The following NEK10 variants were observed in gnomAD, a reference collection of about 807,000 sequenced individuals.
NEK10 encodes NIMA related kinase 10, also known as serine/threonine-protein kinase Nek10.
Under a neutral mutation model 159.8 loss-of-function variants are expected in NEK10, and 122 were observed. That is an observed-to-expected ratio of 0.76 (90% CI 0.66 to 0.89). NEK10 has a LOEUF of 0.89. Ranked by LOEUF, NEK10 falls within the 40% of genes least tolerant of loss-of-function variation. The pLI is 0.00. For synonymous variants in NEK10, 466 were observed against 457.1 expected (o/e 1.02, Z -0.25); for missense variants, 1,342 against 1,323.1 (o/e 1.01, Z -0.22).
intron 31 of NEK10, among the ~76,000 whole-genome samples, chr3:27,137,485 T>C (rs1943340006): frequency 1.3e-5 from 2 of 152,366 alleles, no homozygotes; most frequent in Admixed American, 1.3e-4. Flanking sequence ...TTTAAAGCTA[T>C]TTCCGTAACA....
At chr3:27,138,904 C>T (rs1215424863) in intron 31 of NEK10, among the ~76,000 whole-genome samples, 2 of 152,200 alleles carry the variant, frequency 1.3e-5, no homozygotes, top group African/African-American at 4.8e-5. Flanking sequence ...TAATGAAGAA[C>T]ACAAGGACTA....
chr3:27,173,754 C>A (rs932700134), intron 28 of NEK10, among the ~76,000 whole-genome samples: 2 of 152,020 alleles, frequency 1.3e-5, no homozygotes, highest in African/African-American at 4.8e-5. Context: ...TCAACTTACT[C>A]TTTTTTAAAA....
intron 4 of NEK10, among the ~76,000 whole-genome samples, 189 bp from the exon 5 acceptor site, chr3:27,344,559 T>C (rs1266422134): frequency 6.6e-6 from 1 of 152,176 alleles, no homozygotes. Context: ...CTATCAGCTG[T>C]TAAAATAAGA....
intron 14 of NEK10, among the ~76,000 whole-genome samples, chr3:27,296,532 A>C (rs2043366451): frequency 6.6e-6 from 1 of 152,162 alleles, no homozygotes; most frequent in Non-Finnish European, 1.5e-5. Flanking sequence ...CGGATCTTGA[A>C]GTTGGATATT....
At chr3:27,289,221 T>G (rs1379974625) in intron 19 of NEK10, among the ~76,000 whole-genome samples, 1 of 152,180 alleles carries the variant, frequency 6.6e-6, no homozygotes, top group South Asian at 2.1e-4. Flanking sequence ...TTTACTCACT[T>G]TGGGATTGTT....
intron 5 of NEK10, among the ~76,000 whole-genome samples, chr3:27,337,413 T>A (rs1421714965): frequency 6.7e-6 from 1 of 149,966 alleles, no homozygotes; most frequent in Non-Finnish European, 1.5e-5. Context: ...TTCAATGCAA[T>A]CCCTATCAAA....
At chr3:27,338,737 G>C (rs1423141692) in intron 5 of NEK10, among the ~76,000 whole-genome samples, 1 of 152,194 alleles carries the variant, frequency 6.6e-6, no homozygotes, top group Non-Finnish European at 1.5e-5. Context: ...TTTGAGAAGT[G>C]TCTGTTCATA....
At position 27,132,632 on chromosome 3, in the gene NEK10, T is replaced by G. The variant is rs186486046; in HGVS notation, c.2971-642A>C. ...TTAGAAAACATGGTAACAAAAAAAA[T>G]GGGGATTAAAAAAATGATTTGTCAT... On this transcript the variant is annotated intron_variant, in intron 31 of 35. Transcript: ENST00000691995. Among the ~76,000 whole-genome samples, 617 of 151,958 alleles carry G rather than the reference T, an allele frequency of 4.1e-3. 3 individuals are homozygous for G. The highest frequency in any genetic ancestry group is 8.9e-3 in the South Asian group (43 of 4,812).
chr3:27,226,063 G>A (rs113091233), intron 23 of NEK10, among the ~76,000 whole-genome samples: 62 of 151,794 alleles, frequency 4.1e-4, no homozygotes, highest in African/African-American at 9.2e-4. Flanking sequence ...ACGGAGTCTC[G>A]CTCTGTTGCC....
chr3:27,169,859 G>A (rs905977058), intron 29 of NEK10, among the ~76,000 whole-genome samples: 2 of 152,114 alleles, frequency 1.3e-5, no homozygotes, highest in African/African-American at 4.8e-5. Context: ...CAGTAAACAG[G>A]AACCTGATCC....
At chr3:27,147,799 T>A (rs531321280) in intron 30 of NEK10, among the ~76,000 whole-genome samples, 20 of 152,342 alleles carry the variant, frequency 1.3e-4, no homozygotes, top group African/African-American at 4.3e-4. Context: ...GGTATCATTT[T>A]ATTGCCCTAT....
At position 27,192,137 on chromosome 3, in the gene NEK10, C is replaced by A. The variant is rs1248107474; in HGVS notation, c.2397G>T (p.Leu799Phe). The change falls in exon 26 of 36, where the codon TTG (leucine) becomes TTT (phenylalanine). Residue 799 changes from leucine to phenylalanine, a missense_variant. Leu to Phe is a conservative substitution (Grantham distance 22). Coordinates refer to ENST00000691995, the MANE Select transcript of NEK10 (RefSeq NM_001394966.1). ...KYLDNLSTSQ[L>F]SLEKKLERER... Reference sequence around the variant, plus strand: ...CCCGTTCTAGCTTCTTTTCCAAGGACAACTGGGATGTAGATAAGTTGTCTA... The same window carrying A: ...CCCGTTCTAGCTTCTTTTCCAAGGAAAACTGGGATGTAGATAAGTTGTCTA... The A allele has an allele frequency of 1.2e-6, 2 of 1,614,010 alleles. No individual in the cohort carries two copies. The highest frequency in any genetic ancestry group is 2.2e-5 in the East Asian group (1 of 44,886).
chr3:27,313,735 C>T (rs191188582), intron 7 of NEK10, among the ~76,000 whole-genome samples: 4 of 152,222 alleles, frequency 2.6e-5, no homozygotes, highest in East Asian at 1.9e-4. Context: ...TGTTGTGAGG[C>T]GGAGTTTCGC....
At chr3:27,192,640 G>GT (rs1476023200) in intron 25 of NEK10, among the ~76,000 whole-genome samples, 1 of 151,158 alleles carries the variant, frequency 6.6e-6, no homozygotes, top group Admixed American at 6.6e-5. Context: ...TTTCATTAGT[G>GT]TGGATATTCT....
At position 27,301,709 on chromosome 3, in the gene NEK10, G is replaced by A; in HGVS notation, c.1155C>T (p.Phe385=). 2 of 1,567,854 alleles carry A rather than the reference G, an allele frequency of 1.3e-6. No individual in the cohort carries two copies. Among genetic ancestry groups the A allele is most frequent in the African/African-American group, 2.7e-5 (2 of 73,876 alleles). Residue 385 remains phenylalanine (F), a synonymous_variant, in exon 13 of 36, where the codon TTC becomes TTT. Coordinates refer to ENST00000691995, the MANE Select transcript of NEK10 (RefSeq NM_001394966.1). ...AAACATAAATACCTGCTTGAAGTGAGAAAGTATTTTCTTGTATTTCCCTAG... is the reference window on the plus strand; with the variant it reads ...AAACATAAATACCTGCTTGAAGTGAAAAAGTATTTTCTTGTATTTCCCTAG... ...LSPREIQENT[F]SLQAACCAAL... is the part of the protein sequence containing the mutation.
intron 32 of NEK10, among the ~76,000 whole-genome samples, chr3:27,122,151 C>T (rs1941407432): frequency 6.6e-6 from 1 of 151,874 alleles, no homozygotes; most frequent in Non-Finnish European, 1.5e-5. Context: ...GTGGTTTCCC[C>T]CATGCTGTTG....
At chr3:27,168,718 G>A (rs1427193519) in intron 29 of NEK10, among the ~76,000 whole-genome samples, 1 of 152,182 alleles carries the variant, frequency 6.6e-6, no homozygotes, top group Non-Finnish European at 1.5e-5. Flanking sequence ...ATGTCACGCT[G>A]TATTACCACA....
intron 23 of NEK10, among the ~76,000 whole-genome samples, chr3:27,232,862 TAGA>T (rs1413557049): frequency 2.0e-5 from 3 of 151,998 alleles, no homozygotes; most frequent in Admixed American, 6.6e-5. Context: ...AAGCCACATG[TAGA>T]AGAATAAAAC....
At chr3:27,284,526 G>A in intron 22 of NEK10, 76 bp downstream of exon 22, 1 of 838,872 alleles carries the variant, frequency 1.2e-6, no homozygotes, top group East Asian at 2.4e-5. Flanking sequence ...AGTGCCAAAA[G>A]TTCTACTGGA....
Sources: gnomAD v4.1 joint callset for allele counts (sites outside exome capture counted in the v4.1 genomes callset) on GRCh38, gnomAD v4.1.1 for gene constraint, MANE v1.5 for transcripts, NCBI Gene and HGNC (gene_info 2026-07-23, HGNC 2026-07-21) for gene names.